The following TSNAXIP1 variants were observed in gnomAD, a reference collection of about 807,000 sequenced individuals.
The protein encoded by TSNAXIP1 is translin associated factor X interacting protein 1.
In TSNAXIP1, 89 loss-of-function variants were observed where a neutral mutation model predicts 84.8. The observed-to-expected ratio is 1.05, with a 90% CI of 0.88 to 1.25. The LOEUF (loss-of-function observed/expected upper bound fraction) is 1.25, where lower values mean the gene tolerates loss of function less well. TSNAXIP1 is among the 50% of genes most tolerant of loss of function. TSNAXIP1 has a pLI of 0.00. For synonymous variants in TSNAXIP1, 347 were observed against 335.2 expected, an observed-to-expected ratio of 1.04 and a Z score of -0.39; for missense variants, 874 against 887.6, an observed-to-expected ratio of 0.98 and a Z score of 0.20.
chr16:67,821,181 C>A lies in TSNAXIP1; in HGVS notation c.343C>A (p.Leu115Met), dbSNP rs565844113. Residue 115 changes from leucine (L) to methionine (M), a missense_variant, in exon 4 of 16, where the codon CTG (leucine) becomes ATG (methionine). By Grantham distance (15) the Leu-to-Met change is conservative. Transcript: ENST00000561639. Reference protein sequence around the residue: ...LENYLRKELLLLDLGTDSTQE... With the variant: ...LENYLRKELLMLDLGTDSTQE... ...AAACTACCTACGCAAGGAGCTCCTC[C>A]TGCTGGACCTGGGCACAGATTCCAC... The A allele has an allele frequency of 1.3e-6, 2 of 1,589,998 alleles. No homozygotes were observed. Among genetic ancestry groups the A allele is most frequent in the East Asian group, 2.3e-5 (1 of 43,386 alleles).
chr16:67,807,538 C>T (rs1205809274), intron 1 of TSNAXIP1: 7 of 597,790 alleles, frequency 1.2e-5, no homozygotes, highest in African/African-American at 3.9e-5. Context: ...TACTACGGCT[C>T]ACTGCAGCCT....
rs550084600 is a variant in TSNAXIP1, at chr16:67,821,011, G to C, written c.260+60G>C. The C allele has an allele frequency of 7.4e-5, 118 of 1,593,544 alleles. No homozygotes were observed. The African/African-American group carries it at 1.1e-3, about 15-fold the overall frequency. On this transcript the variant is annotated intron_variant, in intron 3 of 15. Transcript: ENST00000561639. ...GCATGGGCCAGGCTTTGGGCCAGGA[G>C]ACAGGGCAGGGGCGTGTGTTGCCCC... is the stretch of plus-strand genomic sequence containing the variant.
At chr16:67,824,914 T>C (rs2057328702) in intron 6 of TSNAXIP1, 135 bp downstream of exon 6, 3 of 1,134,606 alleles carry the variant, frequency 2.6e-6, no homozygotes, top group Non-Finnish European at 3.8e-6. Flanking sequence ...AGAGCCTTGC[T>C]AACTCCACCC....
At position 67,822,333 on chromosome 16, in the gene TSNAXIP1, A is replaced by T. The variant is rs143224015; in HGVS notation, c.387+1108A>T. Among the ~76,000 whole-genome samples, 1,186 of 151,112 alleles carry T rather than the reference A, an allele frequency of 7.8e-3. 9 individuals are homozygous for T. Among genetic ancestry groups the T allele is most frequent in the Non-Finnish European group, 0.011 (769 of 67,892 alleles). ...GTGAGCAGGCAAGGCTGCAATGTGG[A>T]TCCAAAAGTCTCCTGAGGCTGGAGT... is the stretch of plus-strand genomic sequence containing the variant. On this transcript the variant is annotated intron_variant, in intron 4 of 15. Coordinates refer to ENST00000561639, the MANE Select transcript of TSNAXIP1 (RefSeq NM_001288990.3).
chr16:67,826,707 G>C lies in TSNAXIP1; in HGVS notation c.1417G>C (p.Asp473His). Residue 473 changes from aspartate to histidine, a missense_variant, in exon 12 of 16, where the codon GAT becomes CAT. By Grantham distance (81) the Asp-to-His change is moderately conservative (BLOSUM62 -1). Transcript: ENST00000561639. ...LAEEQKETFPDFFFNFLEHRF... is the reference protein window; with the variant it reads ...LAEEQKETFPHFFFNFLEHRF... ...GATCCCGCAGAAAGAGACGTTCCCA[G>C]ATTTCTTCTTCAATTTCCTGGAGCA... The C allele has an allele frequency of 6.2e-7, 1 of 1,613,768 alleles. No individual in the cohort carries two copies. Among genetic ancestry groups the C allele is most frequent in the Non-Finnish European group, 8.5e-7 (1 of 1,179,864 alleles).
At position 67,809,631 on chromosome 16, in the gene TSNAXIP1, A is replaced by AAAAT. The variant is rs60640902; in HGVS notation, c.47+2458_47+2461dup. 2.7e-3 allele frequency among the ~76,000 whole-genome samples: 402 copies of AAAAT among 150,662 alleles called. 1 individual carries two copies. Among genetic ancestry groups the AAAAT allele is most frequent in the African/African-American group, 8.1e-3 (327 of 40,520 alleles). On this transcript the variant is annotated intron_variant, in intron 1 of 15. Transcript: ENST00000561639. ...ACACAGCAAGACTCCGTCTCAAAAA[A>AAAAT]AAATAAATAAATAAATAAATAAATA... is the stretch of plus-strand genomic sequence containing the variant.
chr16:67,828,061 T>C lies in TSNAXIP1; in HGVS notation c.*68T>C. On this transcript the variant is annotated 3_prime_UTR_variant, in exon 16 of 16. Transcript: ENST00000561639. ...AGCTTTTAATATAAAAGTGTTTGTC[T>C]GAATCCATGCCATTCTCCAGACTGT... 1.3e-6 allele frequency: 2 copies of C among 1,575,556 alleles called. No homozygotes were observed. Among genetic ancestry groups the C allele is most frequent in the Admixed American group, 3.5e-5 (2 of 57,742 alleles).
chr16:67,808,342 C>T (rs1379995005), intron 1 of TSNAXIP1, among the ~76,000 whole-genome samples: 1 of 152,076 alleles, frequency 6.6e-6, no homozygotes, highest in Non-Finnish European at 1.5e-5. Context: ...TTTGGGAGGC[C>T]GAGGCGGGGG....
Position 67,826,566 on chromosome 16 carries a change from A to C in TSNAXIP1, c.1401+4A>C, listed in dbSNP as rs752377842. ...GGAACGTCTTGCTGAGGAGCAGGTC[A>C]GATCTCACCAGCCACTCTGGCCCAG... On this transcript the variant is annotated splice_donor_region_variant and intron_variant, in intron 11 of 15. Coordinates refer to ENST00000561639, the MANE Select transcript of TSNAXIP1 (RefSeq NM_001288990.3). The C allele has an allele frequency of 6.2e-7, 1 of 1,614,154 alleles. No individual in the cohort carries two copies. The highest frequency in any genetic ancestry group is 1.7e-5 in the Admixed American group (1 of 60,020).
intron 2 of TSNAXIP1, among the ~76,000 whole-genome samples, chr16:67,817,019 G>A (rs1340830706): frequency 3.3e-5 from 5 of 151,374 alleles, no homozygotes; most frequent in African/African-American, 1.2e-4. Flanking sequence ...AGGCTGGAGC[G>A]CAGTGGCACA....
chr16:67,820,584 A>C (rs2056960663), intron 2 of TSNAXIP1, among the ~76,000 whole-genome samples: 2 of 152,086 alleles, frequency 1.3e-5, no homozygotes, highest in Admixed American at 6.6e-5. Flanking sequence ...GTCTCTACTA[A>C]AAATACAAAA....
chr16:67,825,046 G>A, intron 6 of TSNAXIP1, 91 bp from the exon 7 acceptor site: 1 of 1,524,508 alleles, frequency 6.6e-7, no homozygotes, highest in Non-Finnish European at 8.8e-7. Context: ...CCCTGATGGG[G>A]CCCCCCAGAA....
intron 2 of TSNAXIP1, among the ~76,000 whole-genome samples, chr16:67,820,253 G>A (rs767039856): frequency 6.6e-6 from 1 of 151,978 alleles, no homozygotes; most frequent in Non-Finnish European, 1.5e-5. Flanking sequence ...CACCGCGCCC[G>A]ACTATGCTTT....
At chr16:67,826,656 G>A (rs756801674) in intron 11 of TSNAXIP1, 36 bp from the exon 12 acceptor site, 13 of 1,611,400 alleles carry the variant, frequency 8.1e-6, no homozygotes, top group South Asian at 5.5e-5. Flanking sequence ...CCAACCAACC[G>A]TAAGACTCTG....
At chr16:67,818,135 G>A (rs951616608) in intron 2 of TSNAXIP1, among the ~76,000 whole-genome samples, 2 of 152,308 alleles carry the variant, frequency 1.3e-5, no homozygotes, top group South Asian at 4.1e-4. Flanking sequence ...CTTGAACCCA[G>A]GAGGTGGAGG....
intron 2 of TSNAXIP1, among the ~76,000 whole-genome samples, chr16:67,816,055 A>C (rs1598023028): frequency 7.5e-6 from 1 of 134,058 alleles, no homozygotes; most frequent in East Asian, 2.2e-4. Context: ...TGCAAGCTCC[A>C]CCTCCCAGGT....
At position 67,824,794 on chromosome 16, in the gene TSNAXIP1, T is replaced by C; in HGVS notation, c.678+15T>C. 6.2e-7 allele frequency: 1 copy of C among 1,610,550 alleles called. No individual in the cohort carries two copies. Among genetic ancestry groups the C allele is most frequent in the Non-Finnish European group, 8.5e-7 (1 of 1,177,788 alleles). ...TGCAGAGCGAGGTGAATGGAAGTGGTGTGATGATGACCAAGTCCCCGAATT... is the reference window on the plus strand; with the variant it reads ...TGCAGAGCGAGGTGAATGGAAGTGGCGTGATGATGACCAAGTCCCCGAATT... On this transcript the variant is annotated intron_variant, in intron 6 of 15. Coordinates refer to ENST00000561639, the MANE Select transcript of TSNAXIP1 (RefSeq NM_001288990.3).
intron 1 of TSNAXIP1, chr16:67,807,419 G>T (rs2055547777): frequency 6.7e-7 from 1 of 1,502,302 alleles, no homozygotes; most frequent in Admixed American, 2.0e-5. Flanking sequence ...GTAACAACCA[G>T]CTTGTATTGA....
Position 67,824,725 on chromosome 16 carries a change from C to T in TSNAXIP1, c.624C>T (p.Asn208=). Residue 208 remains asparagine, a synonymous_variant, in exon 6 of 16, where the codon AAC becomes AAT. Coordinates refer to ENST00000561639, the MANE Select transcript of TSNAXIP1 (RefSeq NM_001288990.3). ...CCCTGCTCAAGAAAGAGAAGATGAA[C>T]TTGCTAAAACTCATCGACAAAAAGA... The part of the protein sequence containing the change: ...EISLLKKEKM[N]LLKLIDKKNE... The T allele has an allele frequency of 6.2e-7, 1 of 1,614,140 alleles. No homozygotes were observed. The highest frequency in any genetic ancestry group is 8.5e-7 in the Non-Finnish European group (1 of 1,179,996).
Sources: allele counts gnomAD v4.1 joint callset (sites outside exome capture counted in the v4.1 genomes callset), GRCh38; gene constraint gnomAD v4.1.1; transcripts MANE v1.5; gene names NCBI Gene and HGNC (gene_info 2026-07-23, HGNC 2026-07-21).